UBE2E2: variants seen among roughly 807,000 people sequenced by gnomAD.
The protein encoded by UBE2E2 is ubiquitin-conjugating enzyme E2 E2.
A neutral mutation model predicts 24.7 loss-of-function variants in UBE2E2; 6 were observed. The observed-to-expected ratio is 0.24, with a 90% confidence interval of 0.13 to 0.48. The LOEUF (loss-of-function observed/expected upper bound fraction) is 0.48, where lower values mean the gene tolerates loss of function less well. UBE2E2 is among the 20% of genes least tolerant of loss of function. The pLI, the probability that UBE2E2 is intolerant of heterozygous loss-of-function variation, is 0.99. For missense variants in UBE2E2, 169 were observed against 245.0 expected, an observed-to-expected ratio of 0.69 and a Z score of 2.07; for synonymous variants, 104 against 83.6, an observed-to-expected ratio of 1.24 and a Z score of -1.33.
intron 4 of UBE2E2, among the ~76,000 whole-genome samples, chr3:23,501,269 T>A (rs1185067959): frequency 2.0e-5 from 3 of 152,228 alleles, no homozygotes; most frequent in African/African-American, 7.2e-5. Flanking sequence ...TGTGGGCTTA[T>A]CCTAGTTCTG....
chr3:23,585,543 G>T (rs1308927159), intron 5 of UBE2E2, among the ~76,000 whole-genome samples: 1 of 152,106 alleles, frequency 6.6e-6, no homozygotes, highest in Non-Finnish European at 1.5e-5. Context: ...GTGTTTGGGA[G>T]AATTAAGTAC....
At chr3:23,463,611 G>A (rs568318193) in intron 3 of UBE2E2, among the ~76,000 whole-genome samples, 1 of 152,126 alleles carries the variant, frequency 6.6e-6, no homozygotes, top group South Asian at 2.1e-4. Flanking sequence ...CCTCAAAGTA[G>A]CTTCTTGATC....
At chr3:23,325,514 T>C (rs188526113) in intron 3 of UBE2E2, among the ~76,000 whole-genome samples, 38 of 152,348 alleles carry the variant, frequency 2.5e-4, no homozygotes, top group African/African-American at 8.2e-4. Flanking sequence ...ACATTAGATA[T>C]ATTTAATGGG....
chr3:23,500,317 A>G (rs1284330950), intron 4 of UBE2E2, among the ~76,000 whole-genome samples: 3 of 152,236 alleles, frequency 2.0e-5, no homozygotes, highest in Non-Finnish European at 2.9e-5. Context: ...CATTAATGAA[A>G]CTAATCAATG....
At chr3:23,251,005 A>T (rs138315736) in intron 3 of UBE2E2, among the ~76,000 whole-genome samples, 2 of 152,214 alleles carry the variant, frequency 1.3e-5, no homozygotes, top group Non-Finnish European at 2.9e-5. Context: ...CTACAGGTGC[A>T]TGCCATCATG....
chr3:23,405,450 A>G (rs997617463), intron 3 of UBE2E2, among the ~76,000 whole-genome samples: 7 of 152,196 alleles, frequency 4.6e-5, no homozygotes, highest in Non-Finnish European at 1.0e-4. Flanking sequence ...ACCATGGCAC[A>G]CTGTCTATTA....
intron 3 of UBE2E2, among the ~76,000 whole-genome samples, chr3:23,422,109 T>A (rs541440891): frequency 1.4e-4 from 21 of 152,312 alleles, no homozygotes; most frequent in Non-Finnish European, 2.5e-4. Flanking sequence ...ATAATTTTTT[T>A]AATTATAAAT....
At chr3:23,573,987 T>C (rs1259181710) in intron 5 of UBE2E2, among the ~76,000 whole-genome samples, 2 of 152,126 alleles carry the variant, frequency 1.3e-5, no homozygotes, top group Non-Finnish European at 2.9e-5. Flanking sequence ...CAAAACACTT[T>C]GACTGAATAA....
intron 3 of UBE2E2, among the ~76,000 whole-genome samples, chr3:23,434,052 C>T (rs1233293148): frequency 6.6e-6 from 1 of 152,046 alleles, no homozygotes; most frequent in African/African-American, 2.4e-5. Flanking sequence ...CTAATATGCA[C>T]TGTCTGAAGC....
At chr3:23,542,697 T>G (rs1695421181) in intron 5 of UBE2E2, among the ~76,000 whole-genome samples, 2 of 152,212 alleles carry the variant, frequency 1.3e-5, no homozygotes, top group South Asian at 4.1e-4. Flanking sequence ...TACCTGCTTA[T>G]TAATTTTTAA....
chr3:23,351,697 A>G (rs1310000917), intron 3 of UBE2E2, among the ~76,000 whole-genome samples: 1 of 152,188 alleles, frequency 6.6e-6, no homozygotes, highest in Non-Finnish European at 1.5e-5. Context: ...TCCTAAATAT[A>G]TATGCACCCA....
chr3:23,428,928 T>TAAAAAAA (rs34525850), intron 3 of UBE2E2, among the ~76,000 whole-genome samples: 3 of 75,880 alleles, frequency 4.0e-5, no homozygotes, highest in African/African-American at 1.1e-4. Flanking sequence ...CTCTGTCTCT[T>TAAAAAAA]AAAAAAAAAA....
At chr3:23,485,038 G>C (rs1699332660) in intron 3 of UBE2E2, among the ~76,000 whole-genome samples, 1 of 149,622 alleles carries the variant, frequency 6.7e-6, no homozygotes, top group Non-Finnish European at 1.5e-5. Flanking sequence ...TGGGAGTCTT[G>C]ATTTCCTGAA....
At chr3:23,500,420 T>G (rs1699695543) in intron 4 of UBE2E2, among the ~76,000 whole-genome samples, 1 of 152,228 alleles carries the variant, frequency 6.6e-6, no homozygotes, top group African/African-American at 2.4e-5. Context: ...GTTATATACT[T>G]TAGAAAGTCT....
chr3:23,586,984 G>T (rs1029096702), intron 5 of UBE2E2, among the ~76,000 whole-genome samples: 13 of 151,414 alleles, frequency 8.6e-5, no homozygotes, highest in Non-Finnish European at 1.8e-4. Flanking sequence ...TTTTCTTTGC[G>T]TGGATTTATA....
chr3:23,283,271 C>T (rs1271657893), intron 3 of UBE2E2, among the ~76,000 whole-genome samples: 66 of 151,856 alleles, frequency 4.3e-4, no homozygotes, highest in Admixed American at 4.3e-3. Context: ...GAAATTCAGG[C>T]TCTGAAAAGT....
At chr3:23,251,670 A>T (rs1697577735) in intron 3 of UBE2E2, among the ~76,000 whole-genome samples, 2 of 152,242 alleles carry the variant, frequency 1.3e-5, no homozygotes, top group African/African-American at 2.4e-5. Context: ...GTTTAGAATT[A>T]ACATATTCAA....
In UBE2E2 at chr3:23,280,530, T is replaced by C. The variant is rs536991090; in HGVS notation, c.227+63218T>C. 7.2e-5 allele frequency among the ~76,000 whole-genome samples: 11 copies of C among 152,306 alleles called. No homozygotes were observed. The East Asian group carries it at 1.7e-3, about 24-fold the overall frequency. ...TGCCTTCTTTTTTCCCATCCGTGGCTGGCAGTTGACAGTGTTGAGGTTGTC... is the reference window on the plus strand; with the variant it reads ...TGCCTTCTTTTTTCCCATCCGTGGCCGGCAGTTGACAGTGTTGAGGTTGTC... On this transcript the variant is annotated intron_variant, in intron 3 of 5. Coordinates refer to ENST00000396703, the MANE Select transcript of UBE2E2 (RefSeq NM_152653.4). The surrounding 1 kb of genome is among the most constrained non-coding windows in gnomAD (Gnocchi z 4.3).
intron 3 of UBE2E2, among the ~76,000 whole-genome samples, chr3:23,266,061 C>A (rs1418806160): frequency 3.3e-5 from 5 of 152,078 alleles, no homozygotes; most frequent in African/African-American, 7.2e-5. Context: ...AGATGGGTTC[C>A]CTGAATACAG....
Sources: allele counts gnomAD v4.1 joint callset (sites outside exome capture counted in the v4.1 genomes callset), GRCh38; gene constraint gnomAD v4.1.1; non-coding constraint Gnocchi (gnomAD v3.1); transcripts MANE v1.5; gene names NCBI Gene and HGNC (gene_info 2026-07-23, HGNC 2026-07-21).